The following PTPRR variants were observed in gnomAD, a reference collection of about 807,000 sequenced individuals.
PTPRR encodes protein tyrosine phosphatase receptor type R, also known as receptor-type tyrosine-protein phosphatase R.
In PTPRR, 38 loss-of-function variants were observed where a neutral mutation model predicts 77.2. That is an observed-to-expected ratio of 0.49 (90% confidence interval 0.38 to 0.65). The LOEUF is 0.65. Among genes scored for constraint, PTPRR ranks in the 30% least tolerant of loss-of-function variants. PTPRR has a pLI of 0.00. For missense variants in PTPRR, 744 were observed against 799.2 expected, an observed-to-expected ratio of 0.93 and a Z score of 0.83; for synonymous variants, 299 against 283.1, an observed-to-expected ratio of 1.06 and a Z score of -0.57.
At chr12:70,819,419 A>G (rs1246453547) in intron 2 of PTPRR, among the ~76,000 whole-genome samples, 1 of 152,222 alleles carries the variant, frequency 6.6e-6, no homozygotes, top group Non-Finnish European at 1.5e-5. Flanking sequence ...ATTTATGGTC[A>G]GGGTTAGAAA....
chr12:70,736,240 G>A (rs1889857092), intron 6 of PTPRR, among the ~76,000 whole-genome samples: 1 of 152,118 alleles, frequency 6.6e-6, no homozygotes, highest in African/African-American at 2.4e-5. Context: ...TCTGTCATGA[G>A]TGTTTTGAGT....
intron 2 of PTPRR, among the ~76,000 whole-genome samples, chr12:70,888,304 A>G (rs80234105): frequency 6.6e-6 from 1 of 152,022 alleles, no homozygotes; most frequent in Non-Finnish European, 1.5e-5. Context: ...ATATCTTTTG[A>G]AAAAAAGCTA....
In PTPRR at chr12:70,698,306, G is replaced by A. The variant is rs144153905; in HGVS notation, c.1238C>T (p.Pro413Leu). 172 of 1,612,598 alleles carry A rather than the reference G, an allele frequency of 1.1e-4. No individual in the cohort carries two copies. The highest frequency in any genetic ancestry group is 1.8e-4 in the East Asian group (8 of 44,834). Reference sequence around the variant, plus strand: ...ATAGCGATTTTTAGTTCCATGACGCGGAATATCAATTTCTTTGGGATCCAC... The same window carrying A: ...ATAGCGATTTTTAGTTCCATGACGCAGAATATCAATTTCTTTGGGATCCAC... ...NFVDPKEIDI[P>L]RHGTKNRYKT... The change falls in exon 8 of 14, where the codon CCG (proline) becomes CTG (leucine). Residue 413 changes from proline to leucine, a missense_variant. Pro to Leu is a moderately conservative substitution (Grantham distance 98). Around this residue, in one of 3 missense-constraint regions of PTPRR, gnomAD observed 570 missense variants for 573.2 expected, o/e 0.99. Coordinates refer to ENST00000283228, the MANE Select transcript of PTPRR (RefSeq NM_002849.4).
At chr12:70,686,563 T>C (rs1592672970) in intron 8 of PTPRR, among the ~76,000 whole-genome samples, 2 of 152,162 alleles carry the variant, frequency 1.3e-5, no homozygotes, top group East Asian at 3.9e-4. Flanking sequence ...GCAGTAGGGA[T>C]GGTGTGTGAC....
At chr12:70,742,475 AT>A (rs1215437764) in intron 6 of PTPRR, among the ~76,000 whole-genome samples, 2 of 152,146 alleles carry the variant, frequency 1.3e-5, no homozygotes, top group Non-Finnish European at 2.9e-5. Context: ...ACCTGGAAAA[AT>A]GTCCAAGTAG....
chr12:70,762,970 A>AT (rs1487281412), intron 3 of PTPRR, among the ~76,000 whole-genome samples: 6 of 152,116 alleles, frequency 3.9e-5, no homozygotes, highest in Non-Finnish European at 7.4e-5. Flanking sequence ...GCAAACAGCT[A>AT]TTATGCTCAT....
intron 6 of PTPRR, among the ~76,000 whole-genome samples, chr12:70,733,636 C>G (rs1377717834): frequency 6.6e-6 from 1 of 152,166 alleles, no homozygotes; most frequent in African/African-American, 2.4e-5. Flanking sequence ...ACAGTGCTCT[C>G]TCCATGTTTA....
intron 2 of PTPRR, among the ~76,000 whole-genome samples, chr12:70,851,394 T>C (rs932911514): frequency 9.9e-5 from 15 of 152,086 alleles, no homozygotes; most frequent in African/African-American, 1.4e-4. Context: ...AAGTCCTATA[T>C]GGAAAAATCA....
intron 8 of PTPRR, among the ~76,000 whole-genome samples, chr12:70,688,727 T>C (rs1887957087): frequency 6.6e-6 from 1 of 152,166 alleles, no homozygotes; most frequent in Non-Finnish European, 1.5e-5. Context: ...GTTGAAGGCA[T>C]TTCTGCACTC....
At chr12:70,724,313 T>C (rs1889360050) in intron 6 of PTPRR, among the ~76,000 whole-genome samples, 1 of 152,158 alleles carries the variant, frequency 6.6e-6, no homozygotes, top group Non-Finnish European at 1.5e-5. Context: ...CAAATTCAGG[T>C]TCTACCCTTT....
chr12:70,674,441 T>C (rs1887366220), intron 10 of PTPRR, among the ~76,000 whole-genome samples: 1 of 152,226 alleles, frequency 6.6e-6, no homozygotes, highest in African/African-American at 2.4e-5. Flanking sequence ...TGTGTAGTAT[T>C]TGCATCATCC....
intron 2 of PTPRR, among the ~76,000 whole-genome samples, chr12:70,860,494 G>A (rs1368216693): frequency 2.6e-5 from 4 of 152,022 alleles, no homozygotes. Flanking sequence ...AGTTACATGT[G>A]GAAACTTCTG....
chr12:70,725,044 C>G (rs1016511721), intron 6 of PTPRR, among the ~76,000 whole-genome samples: 4 of 152,070 alleles, frequency 2.6e-5, no homozygotes, highest in African/African-American at 9.7e-5. Context: ...GCCTATTCCA[C>G]CTTCCTGAGA....
At chr12:70,840,227 T>C (rs1892373600) in intron 2 of PTPRR, among the ~76,000 whole-genome samples, 1 of 152,146 alleles carries the variant, frequency 6.6e-6, no homozygotes, top group Non-Finnish European at 1.5e-5. Flanking sequence ...TTCCAGCTTC[T>C]ACAGGTTATC....
intron 2 of PTPRR, among the ~76,000 whole-genome samples, chr12:70,794,707 A>G (rs1375610532): frequency 6.6e-6 from 1 of 152,200 alleles, no homozygotes; most frequent in Non-Finnish European, 1.5e-5. Flanking sequence ...TCAATGACAC[A>G]GGACCTTGAA....
intron 2 of PTPRR, among the ~76,000 whole-genome samples, chr12:70,827,840 C>T (rs145599544): frequency 4.4e-4 from 67 of 151,554 alleles, no homozygotes; most frequent in African/African-American, 1.6e-3. Flanking sequence ...CCTGTCTCAG[C>T]CTCCCGAGTA....
chr12:70,861,051 C>T (rs11832710), intron 2 of PTPRR, among the ~76,000 whole-genome samples: 2,279 of 152,122 alleles, frequency 0.015, 65 homozygotes, highest in African/African-American at 0.05. Context: ...TGTTGAATTC[C>T]TAGAATTTAA....
chr12:70,818,534 T>C (rs778079598), intron 2 of PTPRR, among the ~76,000 whole-genome samples: 34 of 152,160 alleles, frequency 2.2e-4, no homozygotes, highest in Admixed American at 1.2e-3. Context: ...CAGAAGAAGA[T>C]TGAACTTGAG....
intron 2 of PTPRR, among the ~76,000 whole-genome samples, chr12:70,799,368 A>G (rs993954602): frequency 1.3e-5 from 2 of 152,178 alleles, no homozygotes; most frequent in African/African-American, 4.8e-5. Context: ...TCAGTTGTTA[A>G]AATTTTCAAT....
Sources: allele counts gnomAD v4.1 joint callset (sites outside exome capture counted in the v4.1 genomes callset), GRCh38; gene constraint gnomAD v4.1.1; regional missense constraint gnomAD v4.1.1; transcripts MANE v1.5; gene names NCBI Gene and HGNC (gene_info 2026-07-23, HGNC 2026-07-21).